ANO10: variants seen among roughly 807,000 people sequenced by gnomAD.
ANO10 encodes anoctamin 10, also known as anoctamin-10.
In ANO10, 77 loss-of-function variants were observed where a neutral mutation model predicts 74.7. The ratio of observed to expected loss-of-function variants is 1.03; its 90% CI spans 0.86 to 1.25. The LOEUF is 1.25. ANO10 is among the 50% of genes most tolerant of loss of function. ANO10 has a pLI of 0.00. For synonymous variants in ANO10, 279 were observed against 284.9 expected, an observed-to-expected ratio of 0.98 and a Z score of 0.21; for missense variants, 721 against 778.1, an observed-to-expected ratio of 0.93 and a Z score of 0.87.
intron 1 of ANO10, among the ~76,000 whole-genome samples, chr3:43,615,450 G>A (rs1246914281): frequency 6.6e-6 from 1 of 151,818 alleles, no homozygotes; most frequent in East Asian, 1.9e-4. Flanking sequence ...TTCTTCCTAG[G>A]TAGTAGCATT....
rs149388291 is a variant in ANO10 at position 43,415,065 on chromosome 3, C to T, written c.1914+17546G>A. ...TCTCGGCTCACTGCAACCTCCACCT[C>T]CTGGGTTCAAGAGATTCTCGTTCCT... On this transcript the variant is annotated intron_variant, in intron 12 of 12. Transcript: ENST00000292246. Among the ~76,000 whole-genome samples, 341 of 150,332 alleles carry T rather than the reference C, an allele frequency of 2.3e-3. 3 individuals carry two copies. In the East Asian group the frequency reaches 0.027, roughly 12 times the overall value.
chr3:43,544,133 A>G (rs371669272), intron 11 of ANO10, among the ~76,000 whole-genome samples: 2 of 152,198 alleles, frequency 1.3e-5, no homozygotes, highest in Admixed American at 6.5e-5. Context: ...ATTACATCAA[A>G]AAAGCAAACT....
chr3:43,541,855 G>C (rs1372464816), intron 11 of ANO10, among the ~76,000 whole-genome samples: 2 of 152,188 alleles, frequency 1.3e-5, no homozygotes, highest in African/African-American at 2.4e-5. Flanking sequence ...TTCACAAAGG[G>C]TCCTAGGTTA....
At chr3:43,564,625 A>T (rs1393944409) in intron 8 of ANO10, among the ~76,000 whole-genome samples, 1 of 152,134 alleles carries the variant, frequency 6.6e-6, no homozygotes, top group Non-Finnish European at 1.5e-5. Flanking sequence ...ACTGCTGTTG[A>T]ATTAACTATT....
intron 1 of ANO10, among the ~76,000 whole-genome samples, chr3:43,649,425 G>A (rs1159452747): frequency 6.6e-6 from 1 of 152,114 alleles, no homozygotes; most frequent in Non-Finnish European, 1.5e-5. Flanking sequence ...GTAAGAGCAG[G>A]AACCATAACT....
At chr3:43,607,256 A>G (rs2082606105) in intron 1 of ANO10, among the ~76,000 whole-genome samples, 1 of 151,674 alleles carries the variant, frequency 6.6e-6, no homozygotes, top group African/African-American at 2.4e-5. Flanking sequence ...AATCCCAGCT[A>G]TTTTGGAGAC....
At chr3:43,370,858 T>C (rs191315051) in intron 12 of ANO10, among the ~76,000 whole-genome samples, 37 of 152,328 alleles carry the variant, frequency 2.4e-4, no homozygotes, top group Non-Finnish European at 8.8e-5. Flanking sequence ...TGAGGAAGAC[T>C]GTGTGACCAG....
chr3:43,527,036 AACACAC>A (rs56025632), intron 11 of ANO10, among the ~76,000 whole-genome samples: 5 of 147,074 alleles, frequency 3.4e-5, no homozygotes, highest in Admixed American at 6.8e-5. Context: ...ATGGATGTAA[AACACAC>A]ACACACACAC....
At chr3:43,646,655 G>A (rs2149566231) in intron 1 of ANO10, among the ~76,000 whole-genome samples, 1 of 152,182 alleles carries the variant, frequency 6.6e-6, no homozygotes, top group Non-Finnish European at 1.5e-5. Flanking sequence ...ACACGTGCCT[G>A]CCACCACACC....
chr3:43,612,166 A>ATATT (rs2082864196), intron 1 of ANO10, among the ~76,000 whole-genome samples: 1 of 136,050 alleles, frequency 7.4e-6, no homozygotes, highest in Non-Finnish European at 1.6e-5. Flanking sequence ...ATATATATAT[A>ATATT]TATATATATA....
chr3:43,561,189 A>G, intron 9 of ANO10, 31 bp downstream of exon 9: 2 of 1,604,258 alleles, frequency 1.2e-6, no homozygotes, highest in Non-Finnish European at 1.7e-6. Flanking sequence ...CACTCTCAGT[A>G]AATGTTTAAT....
chr3:43,534,241 A>G (rs2078599677), intron 11 of ANO10, among the ~76,000 whole-genome samples: 1 of 152,232 alleles, frequency 6.6e-6, no homozygotes, highest in Non-Finnish European at 1.5e-5. Context: ...AAATGAAACT[A>G]TCAAAAGACA....
chr3:43,683,795 T>C (rs1242317210), intron 1 of ANO10, among the ~76,000 whole-genome samples: 1 of 151,986 alleles, frequency 6.6e-6, no homozygotes, highest in Non-Finnish European at 1.5e-5. Context: ...AACCATCTGA[T>C]CTTTGACAAA....
intron 11 of ANO10, among the ~76,000 whole-genome samples, chr3:43,441,274 T>G (rs1183408597): frequency 6.7e-6 from 1 of 149,208 alleles, no homozygotes; most frequent in Non-Finnish European, 1.5e-5. Context: ...TCAACAAAAT[T>G]AACAAATCCT....
chr3:43,605,576 T>C (rs976615219), intron 2 of ANO10, 138 bp downstream of exon 2: 1 of 1,173,138 alleles, frequency 8.5e-7, no homozygotes, highest in Non-Finnish European at 1.2e-6. Context: ...AAATTTAACA[T>C]TAGTAAATAA....
intron 12 of ANO10, among the ~76,000 whole-genome samples, chr3:43,427,472 CA>C (rs2148928483): frequency 6.6e-6 from 1 of 152,228 alleles, no homozygotes; most frequent in South Asian, 2.1e-4. Flanking sequence ...ATATTTTGCC[CA>C]TAAAATGAGA....
At chr3:43,627,356 G>A (rs2083502454) in intron 1 of ANO10, among the ~76,000 whole-genome samples, 1 of 152,240 alleles carries the variant, frequency 6.6e-6, no homozygotes, top group African/African-American at 2.4e-5. Context: ...CAACTCTACT[G>A]GGCCAGTCTA....
At chr3:43,671,311 C>A (rs114819571) in intron 1 of ANO10, among the ~76,000 whole-genome samples, 2,097 of 152,166 alleles carry the variant, frequency 0.014, 19 homozygotes, top group Middle Eastern at 0.058. Context: ...TTATTATACT[C>A]CATGTAAGAC....
Position 43,535,290 on chromosome 3 carries a change from A to AG in ANO10, c.1797+14429_1797+14430insC, listed in dbSNP as rs2078663039. On this transcript the variant is annotated intron_variant, in intron 11 of 12. Coordinates refer to ENST00000292246, the MANE Select transcript of ANO10 (RefSeq NM_018075.5). ...TTCTTTTTTTTTTTTTTTTTTTTTG[A>AG]AGGGGGGAAGAGGTCTCGCTCTGTC... Among the ~76,000 whole-genome samples the AG allele has an allele frequency of 6.5e-5, 4 of 61,136 alleles. No homozygotes were observed. In the East Asian group the frequency reaches 2.5e-3, roughly 39 times the overall value. 40.1% of individuals were successfully genotyped at this position (61,136 alleles called of 152,430 possible).
Sources: gnomAD v4.1 joint callset for allele counts (sites outside exome capture counted in the v4.1 genomes callset) on GRCh38, gnomAD v4.1.1 for gene constraint, MANE v1.5 for transcripts, NCBI Gene and HGNC (gene_info 2026-07-23, HGNC 2026-07-21) for gene names.